Variants in ELP6 observed in about 807,000 individuals in gnomAD.
ELP6 encodes elongator acetyltransferase complex subunit 6, also known as elongator complex protein 6.
In ELP6, 23 loss-of-function variants were observed where a neutral mutation model predicts 28.1. The ratio of observed to expected loss-of-function variants is 0.82; its 90% confidence interval spans 0.59 to 1.16. The LOEUF (loss-of-function observed/expected upper bound fraction) is 1.16. Among genes scored for constraint, ELP6 ranks in the 50% most tolerant of loss-of-function variants. The pLI, the probability that ELP6 is intolerant of heterozygous loss-of-function variation, is 0.00. For synonymous variants in ELP6, 132 were observed against 135.8 expected, an observed-to-expected ratio of 0.97 and a Z score of 0.19; for missense variants, 313 against 334.6, an observed-to-expected ratio of 0.94 and a Z score of 0.50.
chr3:47,511,734 C>G (rs950621436), intron 1 of ELP6: 1 of 908,590 alleles, frequency 1.1e-6, no homozygotes, highest in African/African-American at 1.8e-5. Flanking sequence ...ACAAAGTTCA[C>G]CCAATGGCCC....
intron 6 of ELP6, chr3:47,496,714 GGAACTCTGACCTCAGGT>G (rs1421091136): frequency 1.1e-6 from 1 of 880,108 alleles, no homozygotes; most frequent in Non-Finnish European, 1.4e-6. Flanking sequence ...AGGCTGGTCT[GGAACTCTGACCTCAGGT>G]GATCCGCCCA....
In ELP6 at chr3:47,513,570, G is replaced by C; in HGVS notation, c.21C>G (p.Asn7Lys). Residue 7 changes from asparagine to lysine, a missense_variant, in exon 1 of 7, where the codon AAC becomes AAG. Transcript: ENST00000296149. MFVELN[N>K]LLNTTPDRAE... ...CCCTGTCGGGGGTGGTGTTAAGCAG[G>C]TTATTAAGTTCCACGAACATTCCGA... is the stretch of plus-strand genomic sequence containing the variant. 2 of 1,613,194 alleles carry C rather than the reference G, an allele frequency of 1.2e-6. No homozygotes were observed. The highest frequency in any genetic ancestry group is 1.7e-6 in the Non-Finnish European group (2 of 1,179,544).
chr3:47,499,656 G>A, intron 5 of ELP6: 10 of 751,782 alleles, frequency 1.3e-5, no homozygotes, highest in Non-Finnish European at 1.6e-5. Flanking sequence ...TCGCACCACT[G>A]CACTCTAGCC....
At chr3:47,502,739 C>CT (rs1708704964) in intron 4 of ELP6, among the ~76,000 whole-genome samples, 1 of 151,820 alleles carries the variant, frequency 6.6e-6, no homozygotes, top group South Asian at 2.1e-4. Context: ...ACTTGGGAGG[C>CT]TGAGAAGAGA....
At chr3:47,505,379 TTTAC>T (rs772479730) in intron 3 of ELP6, among the ~76,000 whole-genome samples, 4 of 152,168 alleles carry the variant, frequency 2.6e-5, no homozygotes, top group Non-Finnish European at 4.4e-5. Flanking sequence ...CTTTTCATTT[TTTAC>T]TTGTCACTGA....
chr3:47,513,643 C>A lies in ELP6; in HGVS notation c.-53G>T. On this transcript the variant is annotated 5_prime_UTR_variant, in exon 1 of 7. Transcript: ENST00000296149. ...AGGAGAACCCGGAGTGCTGCAGAGA[C>A]GACGGAGGCTGGAGAGCAAAACACA... 1 of 1,608,842 alleles carries A rather than the reference C, an allele frequency of 6.2e-7. No individual in the cohort carries two copies. Among genetic ancestry groups the A allele is most frequent in the Non-Finnish European group, 8.5e-7 (1 of 1,176,710 alleles).
Position 47,504,438 on chromosome 3 carries a change from A to T in ELP6, c.215T>A (p.Leu72Gln). Residue 72 changes from leucine to glutamine, a missense_variant, in exon 4 of 7, where the codon CTG becomes CAG. By Grantham distance (113) the Leu-to-Gln change is moderately radical. Transcript: ENST00000296149. Reference sequence around the variant, plus strand: ...CTGCCCACGCTCCCGCGCCATGGTCAGGCTGACACCCTAAACATGAAAAAG... The same window carrying T: ...CTGCCCACGCTCCCGCGCCATGGTCTGGCTGACACCCTAAACATGAAAAAG... Reference protein sequence around the residue: ...SIVGQKLGVSLTMARERGQLV... With the variant: ...SIVGQKLGVSQTMARERGQLV... 6.2e-7 allele frequency: 1 copy of T among 1,606,464 alleles called. No homozygotes were observed. The highest frequency in any genetic ancestry group is 2.2e-5 in the East Asian group (1 of 44,556).
chr3:47,513,274 G>A (rs1397877737), intron 1 of ELP6: 2 of 1,329,198 alleles, frequency 1.5e-6, no homozygotes, highest in Non-Finnish European at 1.9e-6. Flanking sequence ...TTACAGGGGT[G>A]AGCCACCGCG....
intron 5 of ELP6, chr3:47,500,082 T>C: frequency 1.6e-6 from 2 of 1,227,044 alleles, no homozygotes; most frequent in Non-Finnish European, 1.0e-6. Flanking sequence ...AGTGGGCTTG[T>C]GAACGGCAGA....
Position 47,501,839 on chromosome 3 carries a change from A to G in ELP6, c.336T>C (p.Ala112=), listed in dbSNP as rs374797454. ...HPLQFLREAN[A]GNLKPLFEFV... ...ACTCAAACAATGGTTTCAAGTTCCC[A>G]GCATTAGCCTCCCTGGAGAGACAGG... The change falls in exon 5 of 7, where the codon GCT becomes GCC. Residue 112 remains alanine (A), a synonymous_variant. Coordinates refer to ENST00000296149, the MANE Select transcript of ELP6 (RefSeq NM_001031703.3). 40 of 1,613,634 alleles carry G rather than the reference A, an allele frequency of 2.5e-5. No homozygotes were observed. The Middle Eastern group carries it at 4.9e-4, about 20-fold the overall frequency.
intron 6 of ELP6, 44 bp downstream of exon 6, chr3:47,498,242 G>A: frequency 6.2e-7 from 1 of 1,607,876 alleles, no homozygotes; most frequent in Non-Finnish European, 8.5e-7. Flanking sequence ...AAGAATCACA[G>A]GTACACGGGC....
At chr3:47,497,825 G>A (rs1402002421) in intron 6 of ELP6, 6 of 346,224 alleles carry the variant, frequency 1.7e-5, no homozygotes, top group Non-Finnish European at 2.0e-5. Context: ...CCAAGTACTA[G>A]GAAGGCTGAG....
intron 5 of ELP6, chr3:47,500,512 C>T (rs556162241): frequency 6.6e-6 from 1 of 152,300 alleles, no homozygotes; most frequent in South Asian, 2.1e-4. Flanking sequence ...TATACTCTTC[C>T]TTCTTTTTCT....
Position 47,513,674 on chromosome 3 carries a change from C to G in ELP6, c.-84G>C. On this transcript the variant is annotated 5_prime_UTR_variant, in exon 1 of 7. Transcript: ENST00000296149. ...AGGCTGGAGAGCAAAACACACCCGA[C>G]AGCCCGGCTCGCGCAAGGAAGCGCG... The G allele has an allele frequency of 6.4e-7, 1 of 1,556,690 alleles. No homozygotes were observed. The highest frequency in any genetic ancestry group is 1.1e-5 in the South Asian group (1 of 87,654).
intron 1 of ELP6, chr3:47,513,036 G>A: frequency 1.0e-6 from 1 of 982,246 alleles, no homozygotes; most frequent in Non-Finnish European, 1.2e-6. Context: ...TGTCGCCCAG[G>A]CTGGAGTGCG....
intron 6 of ELP6, chr3:47,496,454 G>A: frequency 1.0e-6 from 1 of 983,330 alleles, no homozygotes. Context: ...GGAAACAGAA[G>A]GAAAAAGTCT....
intron 6 of ELP6, chr3:47,497,154 T>TGGTTCCA (rs1346213002): frequency 1.0e-6 from 1 of 984,716 alleles, no homozygotes; most frequent in Non-Finnish European, 1.2e-6. Flanking sequence ...GGCTTGGGAG[T>TGGTTCCA]GGTTCCAGAA....
At position 47,496,186 on chromosome 3, in the gene ELP6, C is replaced by T. The variant is rs754956457; in HGVS notation, c.684G>A (p.Leu228=). The change falls in exon 7 of 7, where the codon CTG becomes CTA. Residue 228 remains leucine (L), a synonymous_variant. Transcript: ENST00000296149. ...CRDVHGQLRI[L]WRRPSQPAVH... ...CTGCGGGCTGCGATGGTCTCCTCCA[C>T]AGGATCCTCAGCTACAGAGACAGAG... The T allele has an allele frequency of 6.2e-7, 1 of 1,613,978 alleles. No individual in the cohort carries two copies. Among genetic ancestry groups the T allele is most frequent in the Non-Finnish European group, 8.5e-7 (1 of 1,180,002 alleles).
Position 47,495,743 on chromosome 3 carries a change from C to G in ELP6, c.*326G>C, listed in dbSNP as rs1227320637. The G allele has an allele frequency of 3.3e-6, 1 of 300,898 alleles. No homozygotes were observed. Among genetic ancestry groups the G allele is most frequent in the African/African-American group, 2.3e-5 (1 of 43,932 alleles). 18.6% of individuals were successfully genotyped at this position (300,898 alleles called of 1,614,324 possible). A position where few individuals can be genotyped will look rare whatever the true frequency, so the allele number is the denominator to read the frequency against. On this transcript the variant is annotated 3_prime_UTR_variant, in exon 7 of 7. Coordinates refer to ENST00000296149, the MANE Select transcript of ELP6 (RefSeq NM_001031703.3). ...CCTGGCTGGCACATCTATACCCACT[C>G]TGGCTCTGAAAGGCTTGTCAACCAA...
Sources: allele counts gnomAD v4.1 joint callset (sites outside exome capture counted in the v4.1 genomes callset), GRCh38; gene constraint gnomAD v4.1.1; transcripts MANE v1.5; gene names NCBI Gene and HGNC (gene_info 2026-07-23, HGNC 2026-07-21).